The following AUTS2 variants were observed in gnomAD, a reference collection of about 807,000 sequenced individuals.
The protein encoded by AUTS2 is activator of transcription and developmental regulator AUTS2, also known as autism susceptibility gene 2 protein.
In AUTS2, 17 loss-of-function variants were observed where a neutral mutation model predicts 112.4. The ratio of observed to expected loss-of-function variants is 0.15; its 90% CI spans 0.10 to 0.23. The LOEUF is 0.23. AUTS2 is among the 10% of genes least tolerant of loss of function. The pLI, the probability that AUTS2 is intolerant of heterozygous loss-of-function variation, is 1.00. For missense variants in AUTS2, 1,510 were observed against 1,701.6 expected, an observed-to-expected ratio of 0.89 and a Z score of 1.98; for synonymous variants, 751 against 702.7, an observed-to-expected ratio of 1.07 and a Z score of -1.09.
At chr7:70,596,210 C>A in intron 5 of AUTS2, 1 of 152,622 alleles carries the variant, frequency 6.6e-6, no homozygotes, top group South Asian at 1.8e-4. Context: ...GCTCCTGGGC[C>A]GAGGCATCCG....
chr7:70,775,099 C>T (rs1790602290), intron 12 of AUTS2: 1 of 505,616 alleles, frequency 2.0e-6, no homozygotes, highest in Non-Finnish European at 3.5e-6. Flanking sequence ...ATCATGTTGC[C>T]AGAGGGCACA....
chr7:70,637,541 T>C (rs1301464853), intron 5 of AUTS2, among the ~76,000 whole-genome samples: 2 of 152,178 alleles, frequency 1.3e-5, no homozygotes, highest in Non-Finnish European at 2.9e-5. Context: ...ATAACAGGTG[T>C]TCATTTTGGG....
intron 2 of AUTS2, among the ~76,000 whole-genome samples, chr7:70,049,243 A>G (rs1004429385): frequency 6.6e-6 from 1 of 152,192 alleles, no homozygotes; most frequent in Non-Finnish European, 1.5e-5. Flanking sequence ...ACAATCCAGT[A>G]GTGTTGTCAT....
At chr7:70,508,766 G>GT (rs1799070092) in intron 5 of AUTS2, among the ~76,000 whole-genome samples, 1 of 152,194 alleles carries the variant, frequency 6.6e-6, no homozygotes. Context: ...AGGTAGAAAT[G>GT]TTTTAATCAC....
intron 4 of AUTS2, among the ~76,000 whole-genome samples, chr7:70,339,771 G>C (rs1411328349): frequency 6.6e-6 from 1 of 152,034 alleles, no homozygotes; most frequent in Non-Finnish European, 1.5e-5. Context: ...GGATTTTTTT[G>C]GTTCATGAAG....
chr7:69,655,883 T>C (rs1219949623), intron 1 of AUTS2, among the ~76,000 whole-genome samples: 2 of 152,180 alleles, frequency 1.3e-5, no homozygotes, highest in Non-Finnish European at 2.9e-5. Flanking sequence ...TGGGCTGTTG[T>C]ACTATTGCAG....
At chr7:70,144,344 AT>A (rs1239137479) in intron 4 of AUTS2, among the ~76,000 whole-genome samples, 1 of 152,154 alleles carries the variant, frequency 6.6e-6, no homozygotes, top group Non-Finnish European at 1.5e-5. Context: ...AATTTTTAAA[AT>A]AACTTTGCAA....
chr7:69,680,062 G>A (rs970720414), intron 1 of AUTS2, among the ~76,000 whole-genome samples: 1 of 152,174 alleles, frequency 6.6e-6, no homozygotes, highest in Non-Finnish European at 1.5e-5. Context: ...TTTTGGAAGA[G>A]CATTGACTTT....
At chr7:70,350,548 C>T (rs1403323679) in intron 4 of AUTS2, among the ~76,000 whole-genome samples, 1 of 152,138 alleles carries the variant, frequency 6.6e-6, no homozygotes, top group Non-Finnish European at 1.5e-5. Flanking sequence ...TCTCCTGAGA[C>T]TTATTCACTA....
chr7:69,870,465 A>ATATATATATATATATATATATATATATG (rs1477570519), intron 1 of AUTS2, among the ~76,000 whole-genome samples: 3 of 142,482 alleles, frequency 2.1e-5, no homozygotes, highest in Non-Finnish European at 4.6e-5. Flanking sequence ...ATATATATAT[A>ATATATATATATATATATATATATATATG]TGTATTCACG....
chr7:70,204,529 A>C (rs1228747505), intron 4 of AUTS2, among the ~76,000 whole-genome samples: 2 of 152,172 alleles, frequency 1.3e-5, no homozygotes, highest in Non-Finnish European at 2.9e-5. Context: ...CTCAGAATTA[A>C]CAGGGTGCTC....
chr7:70,767,653 A>G (rs1790024218), intron 9 of AUTS2, among the ~76,000 whole-genome samples: 1 of 152,206 alleles, frequency 6.6e-6, no homozygotes, highest in Non-Finnish European at 1.5e-5. Flanking sequence ...CAAAGTGAAG[A>G]TGAAAATAGG....
At chr7:70,160,308 G>C (rs1425186949) in intron 4 of AUTS2, among the ~76,000 whole-genome samples, 1 of 152,110 alleles carries the variant, frequency 6.6e-6, no homozygotes, top group Non-Finnish European at 1.5e-5. Context: ...AGACAGCTAG[G>C]ATTTTGATCA....
chr7:69,807,940 CTTT>C lies in AUTS2; in HGVS notation c.310-91327_310-91325del, dbSNP rs34491458. 4.5e-4 allele frequency among the ~76,000 whole-genome samples: 54 copies of C among 120,410 alleles called. 1 individual carries two copies. The highest frequency in any genetic ancestry group is 2.8e-3 in the South Asian group (10 of 3,522). The allele number at this position is 120,410 out of a possible 152,430, so 79.0% of individuals were successfully genotyped here. ...CAAGGGGAGGAGAATTAGGCCCAAGCTTTTTTTTTTTTTTTTTTTTTGAAATGG... is the reference window on the plus strand; with the variant it reads ...CAAGGGGAGGAGAATTAGGCCCAAGCTTTTTTTTTTTTTTTTTTGAAATGG... On this transcript the variant is annotated intron_variant, in intron 1 of 18. Coordinates refer to ENST00000342771, the MANE Select transcript of AUTS2 (RefSeq NM_015570.4).
intron 4 of AUTS2, among the ~76,000 whole-genome samples, chr7:70,249,346 C>A (rs528286107): frequency 2.0e-5 from 3 of 152,082 alleles, no homozygotes; most frequent in African/African-American, 7.2e-5. Flanking sequence ...TCATCAACCA[C>A]GCTGCAAGCC....
intron 4 of AUTS2, among the ~76,000 whole-genome samples, chr7:70,379,729 G>A (rs1204651996): frequency 6.6e-6 from 1 of 152,040 alleles, no homozygotes; most frequent in Non-Finnish European, 1.5e-5. Flanking sequence ...GGAAGTAAAG[G>A]GGATTCCTAC....
At chr7:69,657,157 T>C (rs564944237) in intron 1 of AUTS2, among the ~76,000 whole-genome samples, 1 of 152,266 alleles carries the variant, frequency 6.6e-6, no homozygotes, top group South Asian at 2.1e-4. Flanking sequence ...GGGCAGACAG[T>C]TGTGACAATT....
chr7:69,699,171 G>C (rs1202113746), intron 1 of AUTS2, among the ~76,000 whole-genome samples: 2 of 152,054 alleles, frequency 1.3e-5, no homozygotes, highest in Non-Finnish European at 2.9e-5. Context: ...GGGATTGATG[G>C]GCATTTTTGC....
chr7:70,780,304 T>A (rs1406608596), intron 14 of AUTS2, among the ~76,000 whole-genome samples: 3 of 152,090 alleles, frequency 2.0e-5, no homozygotes, highest in Non-Finnish European at 2.9e-5. Flanking sequence ...AGAGGAAGAT[T>A]AAGACCCAAT....
Sources: allele counts gnomAD v4.1 joint callset (sites outside exome capture counted in the v4.1 genomes callset), GRCh38; gene constraint gnomAD v4.1.1; transcripts MANE v1.5; gene names NCBI Gene and HGNC (gene_info 2026-07-23, HGNC 2026-07-21).